DPF3: variants seen among roughly 807,000 people sequenced by gnomAD.
The protein encoded by DPF3 is zinc finger protein DPF3.
Under a neutral mutation model 56.8 loss-of-function variants are expected in DPF3, and 18 were observed. The observed-to-expected ratio is 0.32, with a 90% CI of 0.22 to 0.47. The LOEUF is 0.47. DPF3 is among the 20% of genes least tolerant of loss of function. The pLI is 1.00. For missense variants in DPF3, 403 were observed against 488.8 expected (o/e 0.82, Z 1.65); for synonymous variants, 188 against 180.2 (o/e 1.04, Z -0.35).
rs146059925 is a variant in DPF3 at position 72,735,485 on chromosome 14, A to G, written c.302-3551T>C. On this transcript the variant is annotated intron_variant, in intron 3 of 10. Transcript: ENST00000556509. Reference sequence around the variant, plus strand: ...AACTTTACCAGATAGGCACAGTAGAAGAATCAAGAGGGAAAACAGAACCAA... The same window carrying G: ...AACTTTACCAGATAGGCACAGTAGAGGAATCAAGAGGGAAAACAGAACCAA... Among the ~76,000 whole-genome samples, 158 of 152,354 alleles carry G rather than the reference A, an allele frequency of 1.0e-3. 1 individual carries two copies. The highest frequency in any genetic ancestry group is 3.7e-3 in the African/African-American group (152 of 41,580).
intron 1 of DPF3, among the ~76,000 whole-genome samples, chr14:72,888,456 AC>A (rs1258482130): frequency 1.3e-5 from 2 of 152,322 alleles, no homozygotes; most frequent in Non-Finnish European, 2.9e-5. Flanking sequence ...AATAAGAAAA[AC>A]AAATTACAAA....
intron 2 of DPF3, among the ~76,000 whole-genome samples, chr14:72,765,485 T>A (rs919000803): frequency 1.3e-5 from 2 of 152,184 alleles, no homozygotes; most frequent in East Asian, 3.8e-4. Flanking sequence ...TTTATAGTAG[T>A]CAAAGACTGC....
At chr14:72,821,558 T>G (rs915584372) in intron 1 of DPF3, among the ~76,000 whole-genome samples, 3 of 152,214 alleles carry the variant, frequency 2.0e-5, no homozygotes, top group Non-Finnish European at 4.4e-5. Flanking sequence ...ACAAACTTAA[T>G]AAATATTTCT....
intron 8 of DPF3, among the ~76,000 whole-genome samples, chr14:72,636,877 G>T (rs1480175503): frequency 6.6e-6 from 1 of 152,172 alleles, no homozygotes; most frequent in Non-Finnish European, 1.5e-5. Context: ...GAATGGAAAG[G>T]ACAAATACCA....
chr14:72,708,054 T>C (rs1390761191), intron 6 of DPF3, among the ~76,000 whole-genome samples: 1 of 152,188 alleles, frequency 6.6e-6, no homozygotes, highest in Non-Finnish European at 1.5e-5. Context: ...GAAGTGTGCA[T>C]CAAGAAACAG....
chr14:72,804,608 G>C (rs1893016150), intron 1 of DPF3, among the ~76,000 whole-genome samples: 1 of 152,146 alleles, frequency 6.6e-6, no homozygotes, highest in Non-Finnish European at 1.5e-5. Context: ...TGAGAGGTTG[G>C]GTTTGTTTGT....
At chr14:72,838,780 T>C (rs1884412801) in intron 1 of DPF3, among the ~76,000 whole-genome samples, 3 of 151,338 alleles carry the variant, frequency 2.0e-5, no homozygotes, top group Admixed American at 2.0e-4. Context: ...GCAATTACTG[T>C]TGGCATCAGC....
At chr14:72,701,408 G>T (rs1888155017) in intron 6 of DPF3, among the ~76,000 whole-genome samples, 1 of 152,178 alleles carries the variant, frequency 6.6e-6, no homozygotes, top group African/African-American at 2.4e-5. Context: ...AGGAGTGTTT[G>T]CCCACTTCCC....
At chr14:72,642,605 G>C (rs1024942939) in intron 8 of DPF3, among the ~76,000 whole-genome samples, 1 of 152,174 alleles carries the variant, frequency 6.6e-6, no homozygotes, top group African/African-American at 2.4e-5. Flanking sequence ...ATCTGCCTTC[G>C]GTTTCCTGGG....
chr14:72,831,917 CA>C (rs149998101), intron 1 of DPF3, among the ~76,000 whole-genome samples: 4,871 of 152,180 alleles, frequency 0.032, 250 homozygotes, highest in African/African-American at 0.11. Flanking sequence ...GCCATTTTTC[CA>C]AGAAAAATCT....
intron 9 of DPF3, among the ~76,000 whole-genome samples, chr14:72,620,253 T>A (rs896005846): frequency 6.6e-6 from 1 of 152,206 alleles, no homozygotes; most frequent in African/African-American, 2.4e-5. Context: ...CTTCTGTGAC[T>A]AACACCTCAC....
chr14:72,663,794 A>T (rs1484854110), intron 8 of DPF3, among the ~76,000 whole-genome samples: 1 of 152,060 alleles, frequency 6.6e-6, no homozygotes, highest in African/African-American at 2.4e-5. Context: ...CAGCAAGGAA[A>T]AAAGCTCAAA....
intron 9 of DPF3, among the ~76,000 whole-genome samples, chr14:72,625,028 A>G (rs1049377450): frequency 6.6e-6 from 1 of 152,178 alleles, no homozygotes; most frequent in Non-Finnish European, 1.5e-5. Context: ...GTAATATACT[A>G]ATAAGTAATA....
intron 1 of DPF3, among the ~76,000 whole-genome samples, chr14:72,861,801 A>AAGAAAGAAAGAG (rs1567261330): frequency 6.6e-6 from 1 of 150,420 alleles, no homozygotes; most frequent in African/African-American, 2.5e-5. Context: ...GAAAGAAAGA[A>AAGAAAGAAAGAG]AGAAGGAAAG....
At chr14:72,676,712 T>C (rs1886925643) in intron 7 of DPF3, among the ~76,000 whole-genome samples, 1 of 152,220 alleles carries the variant, frequency 6.6e-6, no homozygotes, top group Admixed American at 6.5e-5. Context: ...CCTGCTGCCA[T>C]GTAAGATGTG....
At chr14:72,860,780 G>A (rs2140096639) in intron 1 of DPF3, among the ~76,000 whole-genome samples, 1 of 147,814 alleles carries the variant, frequency 6.8e-6, no homozygotes, top group African/African-American at 2.5e-5. Flanking sequence ...TGGCCAGGCT[G>A]GTCTCGAACT....
chr14:72,750,335 G>A (rs992938112), intron 3 of DPF3, among the ~76,000 whole-genome samples: 7 of 152,140 alleles, frequency 4.6e-5, no homozygotes, highest in African/African-American at 1.4e-4. Flanking sequence ...CTAAGGTATC[G>A]TATAGTGCTA....
chr14:72,872,053 C>T (rs1885921055), intron 1 of DPF3, among the ~76,000 whole-genome samples: 1 of 152,222 alleles, frequency 6.6e-6, no homozygotes. Flanking sequence ...TACCTGTGCA[C>T]CCTCAGGCTC....
intron 3 of DPF3, among the ~76,000 whole-genome samples, chr14:72,739,257 G>T (rs1241669583): frequency 6.7e-6 from 1 of 148,862 alleles, no homozygotes; most frequent in African/African-American, 2.5e-5. Flanking sequence ...AAAAAAAAAT[G>T]CATAGTGCAA....
Sources: allele counts gnomAD v4.1 joint callset (sites outside exome capture counted in the v4.1 genomes callset), GRCh38; gene constraint gnomAD v4.1.1; transcripts MANE v1.5; gene names NCBI Gene and HGNC (gene_info 2026-07-23, HGNC 2026-07-21).